MLLT3: variants seen among roughly 807,000 people sequenced by gnomAD.
MLLT3 encodes the protein protein AF-9.
Under a neutral mutation model 53.2 loss-of-function variants are expected in MLLT3, and 4 were observed. The ratio of observed to expected loss-of-function variants is 0.08; its 90% CI spans 0.04 to 0.17. The LOEUF is 0.17. MLLT3 is among the 10% of genes least tolerant of loss of function. The pLI is 1.00. For missense variants in MLLT3, 569 were observed against 684.0 expected (o/e 0.83, Z 1.87); for synonymous variants, 283 against 230.6 (o/e 1.23, Z -2.06).
At chr9:20,525,179 C>T (rs1287887205) in intron 2 of MLLT3, among the ~76,000 whole-genome samples, 2 of 138,848 alleles carry the variant, frequency 1.4e-5, no homozygotes, top group Non-Finnish European at 3.1e-5. Context: ...AGCTCCTCAA[C>T]ATTTATAAGT....
At chr9:20,587,427 T>C (rs969994686) in intron 2 of MLLT3, among the ~76,000 whole-genome samples, 3 of 152,120 alleles carry the variant, frequency 2.0e-5, no homozygotes, top group African/African-American at 7.2e-5. Flanking sequence ...TGGCCTTCAG[T>C]GCATAAGAGA....
intron 2 of MLLT3, among the ~76,000 whole-genome samples, chr9:20,512,193 G>A (rs1021312752): frequency 2.0e-5 from 3 of 152,070 alleles, no homozygotes; most frequent in East Asian, 1.9e-4. Context: ...GCTGTTTTAC[G>A]GACTGTGGAA....
chr9:20,365,769 C>T (rs1278268113), intron 5 of MLLT3, 25 bp from the exon 6 acceptor site: 2 of 1,612,908 alleles, frequency 1.2e-6, no homozygotes, highest in Non-Finnish European at 1.7e-6. Flanking sequence ...AAAAAGGCAC[C>T]ATCAATAAAT....
rs562317775 is a variant in MLLT3 at position 20,446,214 on chromosome 9, T to A, written c.420+1909A>T. ...AACTTGTAATATTTCAAACAGCATA[T>A]GCCTGGAATAGTTCACATTTCAACT... On this transcript the variant is annotated intron_variant, in intron 4 of 10. Transcript: ENST00000380338. Among the ~76,000 whole-genome samples, 6 of 152,334 alleles carry A rather than the reference T, an allele frequency of 3.9e-5. No homozygotes were observed. In the East Asian group the frequency reaches 9.6e-4, roughly 24 times the overall value.
At position 20,516,006 on chromosome 9, in the gene MLLT3, A is replaced by G. The variant is rs567585972; in HGVS notation, c.194-59220T>C. ...ATGTTATATTGTGTGCCATGGGAGC[A>G]TAACACCTAATGACAAAAAAATAAA... On this transcript the variant is annotated intron_variant, in intron 2 of 10. Coordinates refer to ENST00000380338, the MANE Select transcript of MLLT3 (RefSeq NM_004529.4). Among the ~76,000 whole-genome samples the G allele has an allele frequency of 1.1e-4, 16 of 152,368 alleles. No homozygotes were observed. In the South Asian group the frequency reaches 2.5e-3, roughly 24 times the overall value.
chr9:20,372,644 G>A (rs928315911), intron 5 of MLLT3, among the ~76,000 whole-genome samples: 3 of 139,346 alleles, frequency 2.2e-5, no homozygotes, highest in Admixed American at 8.2e-5. Flanking sequence ...TCCTGACCTC[G>A]TGATCCACCC....
intron 2 of MLLT3, among the ~76,000 whole-genome samples, chr9:20,510,495 C>T (rs1182054960): frequency 6.6e-6 from 1 of 151,608 alleles, no homozygotes; most frequent in Non-Finnish European, 1.5e-5. Context: ...ACCTCTAATC[C>T]CAGCTACTCA....
chr9:20,413,452 T>G (rs759439827), intron 5 of MLLT3, among the ~76,000 whole-genome samples: 1 of 152,234 alleles, frequency 6.6e-6, no homozygotes, highest in African/African-American at 2.4e-5. Flanking sequence ...AACAAAATTT[T>G]CTGCTGCTAT....
At chr9:20,607,193 T>A (rs996807155) in intron 2 of MLLT3, among the ~76,000 whole-genome samples, 23 of 152,106 alleles carry the variant, frequency 1.5e-4, no homozygotes, top group African/African-American at 5.6e-4. Flanking sequence ...AACTCTCCAC[T>A]CTTCAACTTG....
Position 20,529,842 on chromosome 9 carries a change from C to T in MLLT3, c.194-73056G>A, listed in dbSNP as rs1818287510. Among the ~76,000 whole-genome samples the T allele has an allele frequency of 3.3e-5, 5 of 149,942 alleles. No individual in the cohort carries two copies. In the Admixed American group the frequency reaches 3.4e-4, roughly 10 times the overall value. ...GCCTTGGCCTCCCAAAGCTGACAGG[C>T]ATGAGCCATGGCATCCCACTGTAAT... On this transcript the variant is annotated intron_variant, in intron 2 of 10. Coordinates refer to ENST00000380338, the MANE Select transcript of MLLT3 (RefSeq NM_004529.4).
intron 2 of MLLT3, among the ~76,000 whole-genome samples, chr9:20,521,719 G>T (rs1818064192): frequency 6.6e-6 from 1 of 152,112 alleles, no homozygotes; most frequent in South Asian, 2.1e-4. Flanking sequence ...AGAAAATTCA[G>T]TGCTTTCTGT....
At chr9:20,403,142 C>T (rs1015132636) in intron 5 of MLLT3, among the ~76,000 whole-genome samples, 2 of 152,000 alleles carry the variant, frequency 1.3e-5, no homozygotes, top group Non-Finnish European at 2.9e-5. Context: ...AATGAGACCC[C>T]TAGGATCTTG....
chr9:20,376,660 G>T lies in MLLT3; in HGVS notation c.1126-10916C>A, dbSNP rs1821773163. Among the ~76,000 whole-genome samples the T allele has an allele frequency of 7.2e-5, 11 of 152,188 alleles. 1 individual carries two copies. In the South Asian group the frequency reaches 2.3e-3, roughly 32 times the overall value. The stretch of plus-strand genomic sequence containing the variant: ...CAGGGGTCTATAAATCTCTCCATAA[G>T]ACCCTTTTCCACACTTAGGGATGGC... On this transcript the variant is annotated intron_variant, in intron 5 of 10. Transcript: ENST00000380338.
intron 2 of MLLT3, among the ~76,000 whole-genome samples, chr9:20,476,106 A>C (rs753547360): frequency 3.8e-4 from 58 of 152,064 alleles, no homozygotes; most frequent in Non-Finnish European, 8.1e-4. Context: ...TCTGTCACCC[A>C]GGCTGGAGTG....
chr9:20,427,658 A>C (rs1823169836), intron 4 of MLLT3, among the ~76,000 whole-genome samples: 1 of 151,968 alleles, frequency 6.6e-6, no homozygotes, highest in African/African-American at 2.4e-5. Context: ...ACTAAAAATG[A>C]AGAACACCAA....
Position 20,429,219 on chromosome 9 carries a change from T to C in MLLT3, c.421-14794A>G, listed in dbSNP as rs547330579. On this transcript the variant is annotated intron_variant, in intron 4 of 10. Coordinates refer to ENST00000380338, the MANE Select transcript of MLLT3 (RefSeq NM_004529.4). Reference sequence around the variant, plus strand: ...CCCACTGCTAAAAAAGATTTAAAAATTAGCCAGGCATGGTGGCACACACCT... The same window carrying C: ...CCCACTGCTAAAAAAGATTTAAAAACTAGCCAGGCATGGTGGCACACACCT... Among the ~76,000 whole-genome samples, 57 of 152,062 alleles carry C rather than the reference T, an allele frequency of 3.7e-4. 1 individual carries two copies. The highest frequency in any genetic ancestry group is 1.3e-3 in the African/African-American group (54 of 41,500).
chr9:20,365,808 A>G (rs1156697350), intron 5 of MLLT3, 64 bp from the exon 6 acceptor site: 65 of 1,551,272 alleles, frequency 4.2e-5, no homozygotes, highest in Non-Finnish European at 5.6e-5. Context: ...CTAAAGTTGA[A>G]AACAGTATTG....
At chr9:20,558,489 T>C (rs1479270564) in intron 2 of MLLT3, among the ~76,000 whole-genome samples, 1 of 152,128 alleles carries the variant, frequency 6.6e-6, no homozygotes, top group Non-Finnish European at 1.5e-5. Context: ...TTCATTGCAA[T>C]AAACCTAAAC....
At chr9:20,540,364 C>A (rs1434427762) in intron 2 of MLLT3, among the ~76,000 whole-genome samples, 1 of 152,230 alleles carries the variant, frequency 6.6e-6, no homozygotes, top group African/African-American at 2.4e-5. Flanking sequence ...ATGTGGCCTC[C>A]ACCCTTCCAG....
Sources: allele counts gnomAD v4.1 joint callset (sites outside exome capture counted in the v4.1 genomes callset), GRCh38; gene constraint gnomAD v4.1.1; transcripts MANE v1.5; gene names NCBI Gene and HGNC (gene_info 2026-07-23, HGNC 2026-07-21).